The following PCDHGA2 variants were observed in gnomAD, a reference collection of about 807,000 sequenced individuals.
The protein encoded by PCDHGA2 is protocadherin gamma-A2.
PCDHGA2 carries 40 observed loss-of-function variants against 59.2 expected under a neutral mutation model. The ratio of observed to expected loss-of-function variants is 0.68; its 90% confidence interval spans 0.52 to 0.88. The LOEUF (loss-of-function observed/expected upper bound fraction) is 0.88. Ranked by LOEUF, PCDHGA2 falls within the 40% of genes least tolerant of loss-of-function variation. The pLI, the probability that PCDHGA2 is intolerant of heterozygous loss-of-function variation, is 0.00. For missense variants in PCDHGA2, 1,226 were observed against 1,204.0 expected (o/e 1.02, Z -0.27); for synonymous variants, 560 against 526.0 (o/e 1.06, Z -0.89).
chr5:141,410,142 G>A (rs2095361095), intron 1 of PCDHGA2: 3 of 1,612,612 alleles, frequency 1.9e-6, no homozygotes, highest in East Asian at 2.2e-5. Context: ...GTCGCTGTGC[G>A]TGACGGTGGA....
At chr5:141,351,828 C>T (rs868552248) in intron 1 of PCDHGA2, 30 of 1,613,108 alleles carry the variant, frequency 1.9e-5, no homozygotes, top group Non-Finnish European at 2.5e-5. Context: ...CAGCTGCGCG[C>T]CTTCGAGCTC....
intron 1 of PCDHGA2, chr5:141,344,564 C>T: frequency 6.2e-7 from 1 of 1,614,022 alleles, no homozygotes; most frequent in Non-Finnish European, 8.5e-7. Context: ...CCAATGACTA[C>T]TTCTCTCTGG....
chr5:141,510,223 G>C (rs944276162), intron 3 of PCDHGA2, among the ~76,000 whole-genome samples: 1 of 151,302 alleles, frequency 6.6e-6, no homozygotes, highest in African/African-American at 2.4e-5. Context: ...CAGTGAGCCG[G>C]GATCGCGCCA....
chr5:141,376,321 T>A (rs764863792), intron 1 of PCDHGA2: 5 of 1,614,176 alleles, frequency 3.1e-6, no homozygotes, highest in African/African-American at 1.3e-5. Flanking sequence ...TGGAAGGGGT[T>A]CGGGCTTTCC....
chr5:141,347,154 T>G (rs1757910755), intron 1 of PCDHGA2, among the ~76,000 whole-genome samples: 1 of 134,636 alleles, frequency 7.4e-6, no homozygotes, highest in Non-Finnish European at 1.6e-5. Context: ...TTTCTTTCTT[T>G]CTTTCTTTCT....
In PCDHGA2 at chr5:141,486,680, T is replaced by A; in HGVS notation, c.2425-8127T>A. The A allele has an allele frequency of 6.2e-7, 1 of 1,614,102 alleles. No homozygotes were observed. Among genetic ancestry groups the A allele is most frequent in the Non-Finnish European group, 8.5e-7 (1 of 1,180,018 alleles). ...CCTGGAGCCCAGGAATCGAGATGTA[T>A]CAGCTTCCTCTTTCATCTCTCTGAA... is the stretch of plus-strand genomic sequence containing the variant. On this transcript the variant is annotated intron_variant, in intron 1 of 3. Coordinates refer to ENST00000394576, the MANE Select transcript of PCDHGA2 (RefSeq NM_018915.4). This position sits in a 1 kb window ranked among gnomAD's most constrained non-coding sequence, Gnocchi z 5.0.
intron 1 of PCDHGA2, among the ~76,000 whole-genome samples, chr5:141,470,451 T>C (rs2099230860): frequency 6.6e-6 from 1 of 152,210 alleles, no homozygotes; most frequent in Non-Finnish European, 1.5e-5. Context: ...AATAGCATCT[T>C]GAATAGGATT....
chr5:141,340,310 G>A lies in PCDHGA2; in HGVS notation c.1339G>A (p.Asp447Asn), dbSNP rs1236347176. ...HILLQVADIN[D>N]NAPAFSRTSY... is the part of the protein sequence containing the mutation. ...TTTGCTCCAGGTGGCAGACATCAACGACAACGCACCCGCCTTCTCCCGCAC... is the reference window on the plus strand; with the variant it reads ...TTTGCTCCAGGTGGCAGACATCAACAACAACGCACCCGCCTTCTCCCGCAC... The change falls in exon 1 of 4, where the codon GAC becomes AAC. Residue 447 changes from aspartate (D) to asparagine (N), a missense_variant. Coordinates refer to ENST00000394576, the MANE Select transcript of PCDHGA2 (RefSeq NM_018915.4). 1.9e-6 allele frequency: 3 copies of A among 1,614,088 alleles called. No individual in the cohort carries two copies. In the African/African-American group the frequency reaches 4.0e-5, roughly 22 times the overall value.
Position 141,339,754 on chromosome 5 carries a change from A to G in PCDHGA2, c.783A>G (p.Ile261Met), listed in dbSNP as rs1239284115. 1.2e-6 allele frequency: 2 copies of G among 1,614,064 alleles called. No individual in the cohort carries two copies. The highest frequency in any genetic ancestry group is 1.7e-6 in the Non-Finnish European group (2 of 1,180,000). ...IPENTLVGTR[I>M]LTVTATDADE... ...AGAATACGCTCGTGGGCACCCGGATACTCACGGTGACCGCCACTGACGCAG... is the reference window on the plus strand; with the variant it reads ...AGAATACGCTCGTGGGCACCCGGATGCTCACGGTGACCGCCACTGACGCAG... The change falls in exon 1 of 4, where the codon ATA becomes ATG. Residue 261 changes from isoleucine (I) to methionine (M), a missense_variant. Ile to Met is a conservative substitution (Grantham distance 10, BLOSUM62 1). Transcript: ENST00000394576.
intron 1 of PCDHGA2, chr5:141,427,017 TAC>T (rs764268354): frequency 2.2e-5 from 10 of 456,792 alleles, no homozygotes; most frequent in South Asian, 1.4e-4. Context: ...CCAGGATGTA[TAC>T]AAAGTCAGCC....
Position 141,340,904 on chromosome 5 carries a change from G to A in PCDHGA2, c.1933G>A (p.Ala645Thr). Residue 645 changes from alanine (A) to threonine (T), a missense_variant, in exon 1 of 4, where the codon GCC (alanine) becomes ACC (threonine). Physicochemically the swap from Ala to Thr is moderately conservative, Grantham distance 58. Coordinates refer to ENST00000394576, the MANE Select transcript of PCDHGA2 (RefSeq NM_018915.4). ...CGCGCTCAAGCAGAGCCTCGTGGTG[G>A]CCATCCAGGACCACGGCCAGCCCCC... The part of the protein sequence containing the change: ...RDALKQSLVV[A>T]IQDHGQPPLS... 1 of 1,613,714 alleles carries A rather than the reference G, an allele frequency of 6.2e-7. No homozygotes were observed. The highest frequency in any genetic ancestry group is 8.5e-7 in the Non-Finnish European group (1 of 1,179,930).
At chr5:141,444,788 G>T (rs775248284) in intron 1 of PCDHGA2, among the ~76,000 whole-genome samples, 59 of 151,920 alleles carry the variant, frequency 3.9e-4, no homozygotes, top group Non-Finnish European at 5.7e-4. Context: ...TGTTTCATTT[G>T]TCTATTCTTT....
intron 2 of PCDHGA2, among the ~76,000 whole-genome samples, chr5:141,495,690 G>A (rs1261694815): frequency 1.3e-5 from 2 of 152,172 alleles, no homozygotes; most frequent in East Asian, 3.9e-4. Context: ...TGGCATAAGT[G>A]CTCAATAAAT....
chr5:141,355,192 G>A, intron 1 of PCDHGA2: 5 of 1,592,970 alleles, frequency 3.1e-6, no homozygotes, highest in African/African-American at 1.3e-5. Context: ...ACTCCGCGGC[G>A]GGGTTGTAAT....
chr5:141,428,115 G>A (rs753384738), intron 1 of PCDHGA2: 2 of 1,607,178 alleles, frequency 1.2e-6, no homozygotes, highest in Non-Finnish European at 8.5e-7. Flanking sequence ...GCAGGCCATC[G>A]AGCCCGGGCT....
chr5:141,404,333 C>A, intron 1 of PCDHGA2: 3 of 1,613,854 alleles, frequency 1.9e-6, no homozygotes, highest in South Asian at 1.1e-5. Flanking sequence ...CTCAGTCTAC[C>A]TCCCGGAAAA....
intron 3 of PCDHGA2, 149 bp downstream of exon 3, chr5:141,505,630 A>T: frequency 6.8e-7 from 1 of 1,480,262 alleles, no homozygotes; most frequent in East Asian, 2.4e-5. Flanking sequence ...AATTCCAAAC[A>T]TAAAGCCTGG....
Position 141,477,099 on chromosome 5 carries a change from G to C in PCDHGA2, c.2425-17708G>C. On this transcript the variant is annotated intron_variant, in intron 1 of 3. Transcript: ENST00000394576. This position sits in a 1 kb window ranked among gnomAD's most constrained non-coding sequence, Gnocchi z 4.9. ...ATTTACATCCAGGCCAAAGACAAGG[G>C]CGCCAATCCCGAAGGAGCACATTGC... 6.2e-7 allele frequency: 1 copy of C among 1,614,256 alleles called. No individual in the cohort carries two copies. Among genetic ancestry groups the C allele is most frequent in the Non-Finnish European group, 8.5e-7 (1 of 1,180,054 alleles).
Position 141,453,292 on chromosome 5 carries a change from T to A in PCDHGA2, c.2425-41515T>A, listed in dbSNP as rs141563552. The stretch of plus-strand genomic sequence containing the variant: ...CCATGACTGGCTAATTTTTTAATTA[T>A]TTATTTATTTATTTATTTATTTTAG... On this transcript the variant is annotated intron_variant, in intron 1 of 3. Transcript: ENST00000394576. Among the ~76,000 whole-genome samples, 253 of 151,810 alleles carry A rather than the reference T, an allele frequency of 1.7e-3. 1 individual carries two copies. The highest frequency in any genetic ancestry group is 2.6e-3 in the Non-Finnish European group (178 of 67,938).
Sources: allele counts gnomAD v4.1 joint callset (sites outside exome capture counted in the v4.1 genomes callset), GRCh38; gene constraint gnomAD v4.1.1; non-coding constraint Gnocchi (gnomAD v3.1); transcripts MANE v1.5; gene names NCBI Gene and HGNC (gene_info 2026-07-23, HGNC 2026-07-21).